BEND6: variants seen among roughly 807,000 people sequenced by gnomAD.
BEND6 encodes the protein BEN domain-containing protein 6.
BEND6 carries 24 observed loss-of-function variants against 31.8 expected under a neutral mutation model. That is an observed-to-expected ratio of 0.75 (90% CI 0.55 to 1.06). The LOEUF (loss-of-function observed/expected upper bound fraction) is 1.06. Among genes scored for constraint, BEND6 ranks in the 50% least tolerant of loss-of-function variants. The probability of loss-of-function intolerance (pLI) is 0.00; values close to 1 mark genes in which losing one functional copy is unlikely to be tolerated. For synonymous variants in BEND6, 109 were observed against 114.6 expected (o/e 0.95, Z 0.31); for missense variants, 294 against 327.4 (o/e 0.90, Z 0.79).
intron 3 of BEND6, among the ~76,000 whole-genome samples, chr6:57,007,596 G>A (rs181398811): frequency 2.0e-5 from 3 of 151,988 alleles, no homozygotes; most frequent in African/African-American, 4.8e-5. Flanking sequence ...GACCAGCATG[G>A]GCAACATAGC....
At chr6:56,961,702 A>G (rs1363948367) in intron 1 of BEND6, among the ~76,000 whole-genome samples, 2 of 152,198 alleles carry the variant, frequency 1.3e-5, no homozygotes, top group Non-Finnish European at 2.9e-5. Flanking sequence ...GACAAAAGGA[A>G]TTAGTATTAG....
At position 57,025,878 on chromosome 6, in the gene BEND6, C is replaced by G. The variant is rs572663280; in HGVS notation, c.*10-204C>G. On this transcript the variant is annotated intron_variant, in intron 6 of 6. Coordinates refer to ENST00000370746, the MANE Select transcript of BEND6 (RefSeq NM_152731.3). ...GATATTGCTGGTGAAAATCTTGGCACTGTATGTTTGTTTTTGGTTTTCTGT... is the reference window on the plus strand; with the variant it reads ...GATATTGCTGGTGAAAATCTTGGCAGTGTATGTTTGTTTTTGGTTTTCTGT... Among the ~76,000 whole-genome samples the G allele has an allele frequency of 3.7e-4, 57 of 152,148 alleles. 1 individual carries two copies. Among genetic ancestry groups the G allele is most frequent in the African/African-American group, 1.3e-3 (52 of 41,514 alleles).
chr6:56,990,147 C>T (rs938778050), intron 2 of BEND6, among the ~76,000 whole-genome samples: 2 of 150,572 alleles, frequency 1.3e-5, no homozygotes. Context: ...TTTTTTCAAG[C>T]TTTATTTGTT....
rs1825708870 is a variant in BEND6, at chr6:56,972,086, C to CTGTCTTTTTTTTTTTTTTTTTTTT, written c.-100-9624_-100-9623insGTCTTTTTTTTTTTTTTTTTTTTT. ...TTTTCTTTTTACTTTACTTTACTTT[C>CTGTCTTTTTTTTTTTTTTTTTTTT]TTTTTTTTTTTTTTTTTTTTTTTTT... On this transcript the variant is annotated intron_variant, in intron 1 of 6. Transcript: ENST00000370746. Among the ~76,000 whole-genome samples the CTGTCTTTTTTTTTTTTTTTTTTTT allele has an allele frequency of 4.8e-5, 3 of 62,530 alleles. 1 individual carries two copies. 41.0% of individuals were successfully genotyped at this position (62,530 alleles called of 152,430 possible).
chr6:56,982,929 A>G (rs1380957368), intron 2 of BEND6, among the ~76,000 whole-genome samples: 5 of 152,172 alleles, frequency 3.3e-5, no homozygotes, highest in Non-Finnish European at 5.9e-5. Flanking sequence ...AGGTATTTCC[A>G]TTATTATACA....
At chr6:56,980,798 A>C (rs1826038276) in intron 1 of BEND6, among the ~76,000 whole-genome samples, 1 of 152,226 alleles carries the variant, frequency 6.6e-6, no homozygotes, top group African/African-American at 2.4e-5. Flanking sequence ...AACAGTCCAC[A>C]TATTTCTTGA....
At chr6:56,985,680 C>A (rs115573830) in intron 2 of BEND6, among the ~76,000 whole-genome samples, 2,725 of 152,262 alleles carry the variant, frequency 0.018, 87 homozygotes, top group African/African-American at 0.059. Flanking sequence ...ATGAGCCCAG[C>A]TAAAACCTTT....
At chr6:56,980,933 C>G (rs1826043085) in intron 1 of BEND6, among the ~76,000 whole-genome samples, 1 of 152,086 alleles carries the variant, frequency 6.6e-6, no homozygotes, top group South Asian at 2.1e-4. Flanking sequence ...TTGTAAATAG[C>G]AAAAGTTAAA....
Position 57,015,263 on chromosome 6 carries a change from A to G in BEND6, c.429A>G (p.Ser143=). 3 of 1,614,142 alleles carry G rather than the reference A, an allele frequency of 1.9e-6. No individual in the cohort carries two copies. The highest frequency in any genetic ancestry group is 1.3e-5 in the African/African-American group (1 of 75,020). Reference sequence around the variant, plus strand: ...CAACAAACAACTCCTCGCCAGATTCATTTGCCTCAACATGCAGTAATTCTA... The same window carrying G: ...CAACAAACAACTCCTCGCCAGATTCGTTTGCCTCAACATGCAGTAATTCTA... ...WRATNNSSPD[S]FASTCSNSNS... The change falls in exon 4 of 7, where the codon TCA becomes TCG. Residue 143 remains serine (S), a synonymous_variant. Transcript: ENST00000370746.
At chr6:56,991,425 A>T (rs1178210411) in intron 2 of BEND6, among the ~76,000 whole-genome samples, 2 of 151,518 alleles carry the variant, frequency 1.3e-5, no homozygotes, top group African/African-American at 4.9e-5. Flanking sequence ...CCCAGGGTGG[A>T]GCGCAGTGGT....
At chr6:57,021,310 T>C (rs748674203) in intron 6 of BEND6, among the ~76,000 whole-genome samples, 1 of 152,232 alleles carries the variant, frequency 6.6e-6, no homozygotes, top group Admixed American at 6.5e-5. Context: ...AATACTGTTA[T>C]ATTTTTCTGT....
chr6:56,999,627 G>C (rs1433866281), intron 3 of BEND6, among the ~76,000 whole-genome samples: 1 of 152,182 alleles, frequency 6.6e-6, no homozygotes, highest in Non-Finnish European at 1.5e-5. Flanking sequence ...TGTCCATCCA[G>C]CCCTGCCCAT....
intron 3 of BEND6, chr6:57,009,585 C>T (rs113332246): frequency 3.1e-4 from 47 of 152,170 alleles, no homozygotes; most frequent in African/African-American, 1.0e-3. Flanking sequence ...CCATGTCTTG[C>T]ATACAAAATA....
intron 1 of BEND6, among the ~76,000 whole-genome samples, chr6:56,977,259 T>A (rs1562539979): frequency 6.6e-6 from 1 of 152,232 alleles, no homozygotes; most frequent in Non-Finnish European, 1.5e-5. Context: ...AGCAAGTGAC[T>A]GTCAGTTTTT....
intron 2 of BEND6, among the ~76,000 whole-genome samples, chr6:56,990,360 T>G: frequency 6.8e-6 from 1 of 146,000 alleles, no homozygotes; most frequent in Admixed American, 6.9e-5. Flanking sequence ...AATCCTCCCA[T>G]CTCAGCCCCC....
intron 6 of BEND6, among the ~76,000 whole-genome samples, chr6:57,019,408 G>T (rs1344149947): frequency 5.9e-5 from 9 of 152,086 alleles, no homozygotes; most frequent in Admixed American, 5.2e-4. Flanking sequence ...TGAGGGTAAG[G>T]CCCACCACAG....
chr6:56,963,800 A>G (rs1168089170), intron 1 of BEND6, among the ~76,000 whole-genome samples: 3 of 147,742 alleles, frequency 2.0e-5, no homozygotes, highest in Non-Finnish European at 4.5e-5. Flanking sequence ...CTATTAATAA[A>G]TTAATATAAT....
chr6:57,023,497 G>A (rs1023309868), intron 6 of BEND6, among the ~76,000 whole-genome samples: 13 of 152,012 alleles, frequency 8.6e-5, no homozygotes, highest in African/African-American at 2.9e-4. Context: ...ACTTTCAATC[G>A]ATGTGTGTCT....
intron 2 of BEND6, among the ~76,000 whole-genome samples, chr6:56,990,921 T>C (rs1432510305): frequency 6.6e-6 from 1 of 152,194 alleles, no homozygotes; most frequent in Non-Finnish European, 1.5e-5. Context: ...GAATCTATTC[T>C]CTTCATTTAT....
Sources: allele counts gnomAD v4.1 joint callset (sites outside exome capture counted in the v4.1 genomes callset), GRCh38; gene constraint gnomAD v4.1.1; transcripts MANE v1.5; gene names NCBI Gene and HGNC (gene_info 2026-07-23, HGNC 2026-07-21).